SGSM1: variants seen among roughly 807,000 people sequenced by gnomAD.
The protein encoded by SGSM1 is RUN and TBC1 domain containing 2.
A neutral mutation model predicts 133.8 loss-of-function variants in SGSM1; 73 were observed. The ratio of observed to expected loss-of-function variants is 0.55; its 90% CI spans 0.45 to 0.66. The LOEUF is 0.66. SGSM1 is among the 30% of genes least tolerant of loss of function. The probability of loss-of-function intolerance (pLI) is 0.00; values close to 1 mark genes in which losing one functional copy is unlikely to be tolerated. For missense variants in SGSM1, 1,213 were observed against 1,448.1 expected (o/e 0.84, Z 2.64); for synonymous variants, 563 against 573.0 (o/e 0.98, Z 0.25).
chr22:24,913,292 CAAA>C (rs35021919), intron 22 of SGSM1, among the ~76,000 whole-genome samples: 3 of 96,948 alleles, frequency 3.1e-5, no homozygotes, highest in African/African-American at 8.6e-5. Flanking sequence ...GACTCCATCT[CAAA>C]AAAAAAAAAA....
rs540691370 is a variant in SGSM1, at chr22:24,817,801, C to G, written c.63+11317C>G. On this transcript the variant is annotated intron_variant, in intron 2 of 24. Coordinates refer to ENST00000400358, the MANE Select transcript of SGSM1 (RefSeq NM_001098497.3). ...CAAAACAACAGGAATTCTCTAGTGA[C>G]TAGAAGTCTGAGATCAGGGCGGCAG... is the stretch of plus-strand genomic sequence containing the variant. 2.4e-4 allele frequency among the ~76,000 whole-genome samples: 37 copies of G among 152,326 alleles called. No individual in the cohort carries two copies. The South Asian group carries it at 7.7e-3, about 32-fold the overall frequency.
At chr22:24,824,026 G>A (rs1928650375) in intron 2 of SGSM1, among the ~76,000 whole-genome samples, 1 of 152,226 alleles carries the variant, frequency 6.6e-6, no homozygotes, top group South Asian at 2.1e-4. Context: ...CCAAGATCAT[G>A]CATGGATAAG....
At chr22:24,896,026 G>A (rs1932906333) in intron 18 of SGSM1, among the ~76,000 whole-genome samples, 1 of 152,164 alleles carries the variant, frequency 6.6e-6, no homozygotes, top group Non-Finnish European at 1.5e-5. Context: ...TCCAGCCTGG[G>A]TGACAGAGTG....
chr22:24,897,149 G>A (rs1207561864), intron 18 of SGSM1, among the ~76,000 whole-genome samples: 1 of 151,936 alleles, frequency 6.6e-6, no homozygotes, highest in African/African-American at 2.4e-5. Context: ...GGAGGCCGAG[G>A]TGGGCAGATC....
chr22:24,914,401 G>A lies in SGSM1; in HGVS notation c.2928+1649G>A, dbSNP rs112845459. ...TGAGGTAGGAGAATTGCTTGAACCC[G>A]GTAGGTGGAGATTGCAATGAGCCGA... On this transcript the variant is annotated intron_variant, in intron 22 of 24. Transcript: ENST00000400358. Among the ~76,000 whole-genome samples, 311 of 151,728 alleles carry A rather than the reference G, an allele frequency of 2.0e-3. 2 individuals are homozygous for A. Among genetic ancestry groups the A allele is most frequent in the African/African-American group, 7.1e-3 (292 of 41,346 alleles).
At chr22:24,887,090 G>C (rs1345541022) in intron 16 of SGSM1, among the ~76,000 whole-genome samples, 1 of 129,260 alleles carries the variant, frequency 7.7e-6, no homozygotes, top group African/African-American at 2.8e-5. Flanking sequence ...GACTTTCCCA[G>C]TTTTACTTGT....
intron 15 of SGSM1, among the ~76,000 whole-genome samples, chr22:24,884,965 T>A (rs1932519476): frequency 6.6e-6 from 1 of 152,182 alleles, no homozygotes; most frequent in South Asian, 2.1e-4. Context: ...TTTTTTTTTT[T>A]TGAGATGGAG....
chr22:24,820,173 A>C (rs1022903266), intron 2 of SGSM1, among the ~76,000 whole-genome samples: 1 of 152,156 alleles, frequency 6.6e-6, no homozygotes, highest in Non-Finnish European at 1.5e-5. Flanking sequence ...TCTCCTGTGC[A>C]TGGGCGTGGC....
chr22:24,868,711 A>G lies in SGSM1; in HGVS notation c.1159-12A>G. 1.9e-6 allele frequency: 3 copies of G among 1,613,634 alleles called. 1 individual carries two copies. In the African/African-American group the frequency reaches 4.0e-5, roughly 22 times the overall value. ...TGTCCCAAGGACCTTGTTTTGGGAC[A>G]TGTTTTTGCAGGGCAAAGTGTTTCC... On this transcript the variant is annotated splice_polypyrimidine_tract_variant and intron_variant, in intron 11 of 24. Coordinates refer to ENST00000400358, the MANE Select transcript of SGSM1 (RefSeq NM_001098497.3).
chr22:24,903,471 G>A (rs1007743259), intron 20 of SGSM1, among the ~76,000 whole-genome samples: 5 of 152,080 alleles, frequency 3.3e-5, no homozygotes, highest in Non-Finnish European at 5.9e-5. Context: ...GACCTCCCAA[G>A]TGCTAGGATT....
chr22:24,888,363 A>G lies in SGSM1; in HGVS notation c.1770+1635A>G, dbSNP rs149577893. ...TCTTTTGAGTTTTTTTTTCTTATAT[A>G]CAGTGTGTCATTTAGGTCAAAGTTC... is the stretch of plus-strand genomic sequence containing the variant. On this transcript the variant is annotated intron_variant, in intron 16 of 24. Transcript: ENST00000400358. Among the ~76,000 whole-genome samples the G allele has an allele frequency of 2.7e-3, 407 of 151,984 alleles. 2 individuals are homozygous for G. The highest frequency in any genetic ancestry group is 9.5e-3 in the African/African-American group (393 of 41,434).
intron 2 of SGSM1, among the ~76,000 whole-genome samples, chr22:24,825,818 G>A (rs1395246050): frequency 6.6e-6 from 1 of 152,202 alleles, no homozygotes; most frequent in Non-Finnish European, 1.5e-5. Flanking sequence ...CCGGAGGTAA[G>A]CGTCAGGGAG....
At chr22:24,858,380 C>T (rs190142364) in intron 8 of SGSM1, among the ~76,000 whole-genome samples, 63 of 152,154 alleles carry the variant, frequency 4.1e-4, no homozygotes, top group African/African-American at 1.5e-3. Flanking sequence ...TTTGGGAGGC[C>T]AAGGCGGGTG....
chr22:24,875,649 A>AAG (rs980925367), intron 12 of SGSM1, among the ~76,000 whole-genome samples: 15 of 151,974 alleles, frequency 9.9e-5, no homozygotes, highest in African/African-American at 3.6e-4. Context: ...CAGAAAAAAA[A>AAG]AAAAAGAAAG....
intron 17 of SGSM1, 142 bp downstream of exon 17, chr22:24,893,755 GGT>G (rs1932857590): frequency 1.1e-6 from 1 of 947,250 alleles, no homozygotes; most frequent in Non-Finnish European, 1.5e-6. Context: ...AAGAGTGTGC[GGT>G]GACTTTGGAA....
chr22:24,841,064 A>G (rs1030607297), intron 2 of SGSM1, among the ~76,000 whole-genome samples: 14 of 151,830 alleles, frequency 9.2e-5, no homozygotes, highest in Middle Eastern at 3.4e-3. Flanking sequence ...GTTAGCCAAG[A>G]TGGTCTCGAT....
chr22:24,832,864 C>G (rs1462973113), intron 2 of SGSM1, among the ~76,000 whole-genome samples: 1 of 152,134 alleles, frequency 6.6e-6, no homozygotes, highest in African/African-American at 2.4e-5. Flanking sequence ...CCAAGCCTCC[C>G]TCCTTGGCTC....
chr22:24,893,650 G>A (rs1250777948), intron 17 of SGSM1, 37 bp downstream of exon 17: 2 of 1,513,830 alleles, frequency 1.3e-6, no homozygotes, highest in Non-Finnish European at 1.8e-6. Flanking sequence ...GCGGGGGCTG[G>A]GGAAGGTCAG....
In SGSM1 at chr22:24,868,714, T is replaced by C; in HGVS notation, c.1159-9T>C. On this transcript the variant is annotated splice_polypyrimidine_tract_variant and intron_variant, in intron 11 of 24. Transcript: ENST00000400358. ...CCCAAGGACCTTGTTTTGGGACATG[T>C]TTTTGCAGGGCAAAGTGTTTCCTAA... 1.2e-6 allele frequency: 2 copies of C among 1,613,644 alleles called. No homozygotes were observed. Among genetic ancestry groups the C allele is most frequent in the Non-Finnish European group, 1.7e-6 (2 of 1,179,644 alleles).
Sources: allele counts gnomAD v4.1 joint callset (sites outside exome capture counted in the v4.1 genomes callset), GRCh38; gene constraint gnomAD v4.1.1; transcripts MANE v1.5; gene names NCBI Gene and HGNC (gene_info 2026-07-23, HGNC 2026-07-21).